The following PTPRN2 variants were observed in gnomAD, a reference collection of about 807,000 sequenced individuals.
PTPRN2 encodes receptor-type tyrosine-protein phosphatase N2.
In PTPRN2, 74 loss-of-function variants were observed where a neutral mutation model predicts 118.8. That is an observed-to-expected ratio of 0.62 (90% confidence interval 0.52 to 0.76). The LOEUF (loss-of-function observed/expected upper bound fraction) is 0.76. Among genes scored for constraint, PTPRN2 ranks in the 30% least tolerant of loss-of-function variants. PTPRN2 has a pLI of 0.00. For synonymous variants in PTPRN2, 641 were observed against 608.0 expected (o/e 1.05, Z -0.80); for missense variants, 1,481 against 1,394.4 (o/e 1.06, Z -0.99).
Position 157,548,941 on chromosome 7 carries a change from A to G in PTPRN2, c.2976+5T>C, listed in dbSNP as rs534274637. ...TCTGCGTCCCGGAGGAGAGACTGAC[A>G]GTACCTTCGTCTGGACCATGCCGGG... On this transcript the variant is annotated splice_donor_5th_base_variant and intron_variant, in intron 22 of 22. Coordinates refer to ENST00000389418, the MANE Select transcript of PTPRN2 (RefSeq NM_002847.5). The G allele has an allele frequency of 9.3e-6, 15 of 1,613,790 alleles. 1 individual carries two copies. In the South Asian group the frequency reaches 1.6e-4, roughly 18 times the overall value.
chr7:158,106,497 A>C (rs1002168728), intron 10 of PTPRN2, among the ~76,000 whole-genome samples: 1 of 152,186 alleles, frequency 6.6e-6, no homozygotes, highest in Non-Finnish European at 1.5e-5. Context: ...TCCGTGTATC[A>C]TCTGGAAGAA....
At chr7:158,520,905 C>A (rs1422885616) in intron 1 of PTPRN2, among the ~76,000 whole-genome samples, 1 of 152,144 alleles carries the variant, frequency 6.6e-6, no homozygotes, top group Non-Finnish European at 1.5e-5. Flanking sequence ...GGAGGATACA[C>A]ATGGATACGC....
intron 14 of PTPRN2, among the ~76,000 whole-genome samples, chr7:157,655,625 C>G (rs1010914497): frequency 2.0e-5 from 3 of 152,206 alleles, no homozygotes; most frequent in Non-Finnish European, 2.9e-5. Context: ...TGCCCTTTCA[C>G]CCCAGAGGCT....
In PTPRN2 at chr7:158,529,314, G is replaced by A. The variant is rs1442720258; in HGVS notation, c.113-39529C>T. Among the ~76,000 whole-genome samples, 1 of 152,228 alleles carries A rather than the reference G, an allele frequency of 6.6e-6. No individual in the cohort carries two copies. Among genetic ancestry groups the A allele is most frequent in the Non-Finnish European group, 1.5e-5 (1 of 68,046 alleles). On this transcript the variant is annotated intron_variant, in intron 1 of 22. Coordinates refer to ENST00000389418, the MANE Select transcript of PTPRN2 (RefSeq NM_002847.5). This position sits in a 1 kb window ranked among gnomAD's most constrained non-coding sequence, Gnocchi z 4.7. ...TCATCTCCATTTTGCTTTGGAATGCGTGGCATCTCTGCTGTGCAGGTGCTG... is the reference window on the plus strand; with the variant it reads ...TCATCTCCATTTTGCTTTGGAATGCATGGCATCTCTGCTGTGCAGGTGCTG...
intron 2 of PTPRN2, among the ~76,000 whole-genome samples, chr7:158,417,040 GC>G (rs1814721021): frequency 8.3e-6 from 1 of 120,144 alleles, no homozygotes; most frequent in South Asian, 3.3e-4. Flanking sequence ...GTCCCCCTGT[GC>G]TAAGTCACAG....
rs564719562 is a variant in PTPRN2 at position 157,978,999 on chromosome 7, G to A, written c.1724-80262C>T. On this transcript the variant is annotated intron_variant, in intron 11 of 22. Transcript: ENST00000389418. The stretch of plus-strand genomic sequence containing the variant: ...GTGGCTCTCTGGAGTTGACTCTGCA[G>A]AGCACTGGCAAGGCCAGGATCCAGA... Among the ~76,000 whole-genome samples, 29 of 152,180 alleles carry A rather than the reference G, an allele frequency of 1.9e-4. 2 individuals carry two copies. The South Asian group carries it at 4.8e-3, about 25-fold the overall frequency.
At chr7:157,883,805 G>T (rs1796304652) in intron 12 of PTPRN2, among the ~76,000 whole-genome samples, 1 of 149,132 alleles carries the variant, frequency 6.7e-6, no homozygotes, top group Non-Finnish European at 1.5e-5. Context: ...TCAGAGACTA[G>T]AACACACCAC....
At chr7:157,790,660 A>G (rs1434987198) in intron 12 of PTPRN2, among the ~76,000 whole-genome samples, 1 of 152,242 alleles carries the variant, frequency 6.6e-6, no homozygotes, top group East Asian at 1.9e-4. Flanking sequence ...ATAGGTCAAA[A>G]TCTAAATAAT....
At chr7:158,495,183 A>G (rs571766674) in intron 1 of PTPRN2, among the ~76,000 whole-genome samples, 3 of 152,294 alleles carry the variant, frequency 2.0e-5, no homozygotes, top group African/African-American at 7.2e-5. Flanking sequence ...ATTCCTGTCA[A>G]AGCCATGTTT....
chr7:157,725,721 G>A (rs1170911372), intron 12 of PTPRN2, among the ~76,000 whole-genome samples: 4 of 57,748 alleles, frequency 6.9e-5, no homozygotes, highest in Admixed American at 4.2e-4. Context: ...ATGCAGAGGA[G>A]TGAGCCAGAC....
intron 2 of PTPRN2, among the ~76,000 whole-genome samples, chr7:158,329,254 G>A (rs932310591): frequency 1.7e-4 from 26 of 152,310 alleles, no homozygotes; most frequent in Non-Finnish European, 2.4e-4. Context: ...CAGGCTAGGA[G>A]GGGAGGACAG....
intron 1 of PTPRN2, among the ~76,000 whole-genome samples, chr7:158,579,311 T>C (rs940209248): frequency 3.3e-5 from 5 of 152,256 alleles, no homozygotes; most frequent in Admixed American, 1.3e-4. Flanking sequence ...TCTAAAGTAA[T>C]ATTGTTTCTA....
chr7:157,657,091 TACGCCACACACAC>T (rs1171446016), intron 13 of PTPRN2, among the ~76,000 whole-genome samples: 2 of 28,966 alleles, frequency 6.9e-5, no homozygotes, highest in Non-Finnish European at 1.2e-4. Context: ...TACACACACA[TACGCCACACACAC>T]ACACCACACA....
In PTPRN2 at chr7:157,560,403, C is replaced by T. The variant is rs747233217; in HGVS notation, c.2902+8499G>A. ...ACCAGCGGGTCTCATGCTGTCCACA[C>T]GCTCCCACCAGGCGATCGACACCAG... On this transcript the variant is annotated intron_variant, in intron 21 of 22. Coordinates refer to ENST00000389418, the MANE Select transcript of PTPRN2 (RefSeq NM_002847.5). The surrounding 1 kb of genome is among the most constrained non-coding windows in gnomAD (Gnocchi z 6.7). 8.0e-5 allele frequency among the ~76,000 whole-genome samples: 12 copies of T among 150,840 alleles called. No homozygotes were observed. Among genetic ancestry groups the T allele is most frequent in the East Asian group, 2.0e-4 (1 of 5,072 alleles).
intron 12 of PTPRN2, among the ~76,000 whole-genome samples, chr7:157,749,515 G>A (rs1204540054): frequency 6.9e-6 from 1 of 144,518 alleles, no homozygotes; most frequent in Non-Finnish European, 1.5e-5. Flanking sequence ...TCCCTGAGCT[G>A]CGGGCTGTTG....
intron 2 of PTPRN2, among the ~76,000 whole-genome samples, chr7:158,341,367 G>C (rs1477287225): frequency 6.8e-6 from 1 of 146,332 alleles, no homozygotes; most frequent in Non-Finnish European, 1.5e-5. Context: ...AACACATGCA[G>C]ACGTCACTCA....
intron 11 of PTPRN2, among the ~76,000 whole-genome samples, chr7:157,933,715 G>A (rs1454153994): frequency 6.7e-6 from 1 of 148,946 alleles, no homozygotes; most frequent in African/African-American, 2.5e-5. Context: ...AGTTTTAGTG[G>A]AGGGATGAGT....
intron 11 of PTPRN2, among the ~76,000 whole-genome samples, chr7:158,026,178 G>A (rs990747960): frequency 4.6e-5 from 7 of 152,258 alleles, no homozygotes; most frequent in African/African-American, 1.7e-4. Context: ...TTTAGGCTTT[G>A]TGGTTTCATC....
intron 9 of PTPRN2, among the ~76,000 whole-genome samples, chr7:158,115,645 G>C (rs1816672161): frequency 6.6e-6 from 1 of 152,056 alleles, no homozygotes; most frequent in Admixed American, 6.6e-5. Context: ...CTGCAACCCA[G>C]AAGTGTGCCT....
Sources: gnomAD v4.1 joint callset for allele counts (sites outside exome capture counted in the v4.1 genomes callset) on GRCh38, gnomAD v4.1.1 for gene constraint, Gnocchi (gnomAD v3.1) non-coding constraint, MANE v1.5 for transcripts, NCBI Gene and HGNC (gene_info 2026-07-23, HGNC 2026-07-21) for gene names.